Variants in PELI2 observed in about 807,000 individuals in gnomAD.
The protein encoded by PELI2 is pellino E3 ubiquitin protein ligase family member 2, also known as E3 ubiquitin-protein ligase pellino homolog 2.
In PELI2, 23 loss-of-function variants were observed where a neutral mutation model predicts 42.3. The observed-to-expected ratio is 0.54, with a 90% CI of 0.39 to 0.77. The LOEUF (loss-of-function observed/expected upper bound fraction) is 0.77, where lower values mean the gene tolerates loss of function less well. Ranked by LOEUF, PELI2 falls within the 30% of genes least tolerant of loss-of-function variation. PELI2 has a pLI of 0.00. For synonymous variants in PELI2, 245 were observed against 212.2 expected, an observed-to-expected ratio of 1.15 and a Z score of -1.34; for missense variants, 463 against 553.2, an observed-to-expected ratio of 0.84 and a Z score of 1.64.
intron 2 of PELI2, among the ~76,000 whole-genome samples, chr14:56,189,548 G>T (rs1409657759): frequency 1.3e-5 from 2 of 152,188 alleles, no homozygotes; most frequent in Admixed American, 6.5e-5. Flanking sequence ...GACTCAGGAT[G>T]GGAAACACCT....
chr14:56,129,672 A>C (rs1050990140), intron 1 of PELI2, among the ~76,000 whole-genome samples: 2 of 152,132 alleles, frequency 1.3e-5, no homozygotes, highest in Non-Finnish European at 2.9e-5. Flanking sequence ...CGCCCTCAGG[A>C]GGCAGAATGG....
chr14:56,132,477 C>A (rs568163364), intron 1 of PELI2, among the ~76,000 whole-genome samples: 1 of 152,150 alleles, frequency 6.6e-6, no homozygotes, highest in Non-Finnish European at 1.5e-5. Flanking sequence ...GGACTCCTGT[C>A]GTGGGGTGGA....
At chr14:56,149,467 G>T (rs1884256234) in intron 1 of PELI2, among the ~76,000 whole-genome samples, 2 of 152,182 alleles carry the variant, frequency 1.3e-5, no homozygotes, top group South Asian at 4.1e-4. Context: ...AAGAATGCCT[G>T]CCTCAAGGAG....
chr14:56,284,006 G>T (rs1471315109), intron 3 of PELI2, among the ~76,000 whole-genome samples: 2 of 152,214 alleles, frequency 1.3e-5, no homozygotes, highest in African/African-American at 4.8e-5. Context: ...TAGTTCTGAA[G>T]TATGGACCTC....
At chr14:56,150,416 G>T (rs911236832) in intron 1 of PELI2, among the ~76,000 whole-genome samples, 5 of 151,774 alleles carry the variant, frequency 3.3e-5, no homozygotes, top group Non-Finnish European at 5.9e-5. Flanking sequence ...CCATATGTTT[G>T]GTTTTTTGAA....
chr14:56,232,592 A>G (rs919779244), intron 2 of PELI2, among the ~76,000 whole-genome samples: 1 of 152,122 alleles, frequency 6.6e-6, no homozygotes, highest in Non-Finnish European at 1.5e-5. Context: ...TAAACTAGGT[A>G]TCAACGGGAC....
intron 2 of PELI2, among the ~76,000 whole-genome samples, chr14:56,226,265 C>T (rs1887351452): frequency 6.6e-6 from 1 of 152,170 alleles, no homozygotes; most frequent in African/African-American, 2.4e-5. Flanking sequence ...TAACCCAGGC[C>T]CAGGCTGCTT....
chr14:56,155,523 C>T (rs1421007764), intron 1 of PELI2, among the ~76,000 whole-genome samples: 8 of 151,488 alleles, frequency 5.3e-5, no homozygotes, highest in Admixed American at 6.6e-5. Context: ...TATCAACAGT[C>T]TATTTCTGAA....
chr14:56,285,401 G>T (rs550485731), intron 3 of PELI2, among the ~76,000 whole-genome samples: 1 of 152,186 alleles, frequency 6.6e-6, no homozygotes, highest in Non-Finnish European at 1.5e-5. Flanking sequence ...TCCAAGTTCT[G>T]TTTGGCATAT....
Position 56,180,651 on chromosome 14 carries a change from T to C in PELI2, c.207+2187T>C, listed in dbSNP as rs1053403036. ...CATGTTGCCTTTCAGACTCTCAAAC[T>C]CTCGTCCCGGCCAGCTGTACCCGGC... On this transcript the variant is annotated intron_variant, in intron 2 of 5. Transcript: ENST00000267460. The surrounding 1 kb of genome is among the most constrained non-coding windows in gnomAD (Gnocchi z 4.4). 1.3e-5 allele frequency among the ~76,000 whole-genome samples: 2 copies of C among 152,126 alleles called. No homozygotes were observed. Among genetic ancestry groups the C allele is most frequent in the Non-Finnish European group, 2.9e-5 (2 of 68,006 alleles).
chr14:56,267,655 T>A (rs2139847914), intron 2 of PELI2, among the ~76,000 whole-genome samples: 2 of 152,276 alleles, frequency 1.3e-5, no homozygotes, highest in South Asian at 4.1e-4. Context: ...ATAACTAGAA[T>A]GTGGCCTTAT....
chr14:56,138,825 A>G (rs1883785306), intron 1 of PELI2, among the ~76,000 whole-genome samples: 1 of 152,196 alleles, frequency 6.6e-6, no homozygotes, highest in Admixed American at 6.5e-5. Flanking sequence ...AAGTCTCAAT[A>G]GTGTGATTAT....
chr14:56,251,257 A>G (rs567037512), intron 2 of PELI2, among the ~76,000 whole-genome samples: 1 of 152,328 alleles, frequency 6.6e-6, no homozygotes, highest in Non-Finnish European at 1.5e-5. Flanking sequence ...TGACATTGTT[A>G]CTTCTTCTGC....
chr14:56,269,539 C>T (rs557722636), intron 2 of PELI2, among the ~76,000 whole-genome samples: 31 of 152,296 alleles, frequency 2.0e-4, no homozygotes, highest in Non-Finnish European at 1.8e-4. Flanking sequence ...GAACCTTTCA[C>T]TTATTTAGCA....
intron 2 of PELI2, among the ~76,000 whole-genome samples, chr14:56,271,636 G>A (rs1454655070): frequency 1.3e-5 from 2 of 152,168 alleles, no homozygotes; most frequent in Admixed American, 6.5e-5. Context: ...CTTAGTCTGC[G>A]ATGCCATATT....
At chr14:56,184,443 T>C (rs930090408) in intron 2 of PELI2, among the ~76,000 whole-genome samples, 1 of 152,048 alleles carries the variant, frequency 6.6e-6, no homozygotes, top group Non-Finnish European at 1.5e-5. Flanking sequence ...ATGCACTTAT[T>C]TGGTGACAAA....
intron 2 of PELI2, among the ~76,000 whole-genome samples, chr14:56,245,282 A>G (rs905084854): frequency 7.2e-5 from 11 of 152,188 alleles, no homozygotes; most frequent in Admixed American, 1.3e-4. Context: ...ATTGATGTTA[A>G]TGAAAATATA....
At position 56,291,321 on chromosome 14, in the gene PELI2, G is replaced by T. The variant is rs1009799859; in HGVS notation, c.696+865G>T. ...TGACCTAGCACTTGTCAGAGAGAAA[G>T]ATCATCACCAAAAATGTCTAAGATG... On this transcript the variant is annotated intron_variant, in intron 5 of 5. Coordinates refer to ENST00000267460, the MANE Select transcript of PELI2 (RefSeq NM_021255.3). Among the ~76,000 whole-genome samples, 4 of 152,292 alleles carry T rather than the reference G, an allele frequency of 2.6e-5. No homozygotes were observed. The East Asian group carries it at 5.8e-4, about 22-fold the overall frequency.
chr14:56,119,668 G>C, intron 1 of PELI2: 1 of 626,920 alleles, frequency 1.6e-6, no homozygotes, highest in Non-Finnish European at 2.0e-6. Flanking sequence ...GGCTTTGCGG[G>C]CTTAAAACTG....
Sources: allele counts gnomAD v4.1 joint callset (sites outside exome capture counted in the v4.1 genomes callset), GRCh38; gene constraint gnomAD v4.1.1; non-coding constraint Gnocchi (gnomAD v3.1); transcripts MANE v1.5; gene names NCBI Gene and HGNC (gene_info 2026-07-23, HGNC 2026-07-21).